RNLS: variants seen among roughly 807,000 people sequenced by gnomAD.
The protein encoded by RNLS is renalase.
A neutral mutation model predicts 39.8 loss-of-function variants in RNLS; 39 were observed. That is an observed-to-expected ratio of 0.98 (90% CI 0.76 to 1.28). The LOEUF (loss-of-function observed/expected upper bound fraction) is 1.28, where lower values mean the gene tolerates loss of function less well. Among genes scored for constraint, RNLS ranks in the 50% most tolerant of loss-of-function variants. The probability of loss-of-function intolerance (pLI) is 0.00; values close to 1 mark genes in which losing one functional copy is unlikely to be tolerated. For missense variants in RNLS, 410 were observed against 413.3 expected (o/e 0.99, Z 0.07); for synonymous variants, 147 against 150.7 (o/e 0.98, Z 0.18).
intron 4 of RNLS, among the ~76,000 whole-genome samples, chr10:88,449,941 T>C (rs748699107): frequency 2.0e-5 from 3 of 152,164 alleles, no homozygotes; most frequent in Non-Finnish European, 4.4e-5. Context: ...AATTCTTGGC[T>C]TTGAGTTCCA....
At chr10:88,447,423 A>T (rs1018112894) in intron 4 of RNLS, among the ~76,000 whole-genome samples, 6 of 152,214 alleles carry the variant, frequency 3.9e-5, no homozygotes, top group African/African-American at 1.4e-4. Flanking sequence ...CTTCAAAGAG[A>T]ATAAATACCT....
chr10:88,406,920 CTA>C (rs1853310799), intron 4 of RNLS, among the ~76,000 whole-genome samples: 1 of 152,028 alleles, frequency 6.6e-6, no homozygotes, highest in Non-Finnish European at 1.5e-5. Context: ...AGATTGGAGA[CTA>C]TTATTCTAAG....
At chr10:88,378,616 G>A (rs553448402) in intron 4 of RNLS, among the ~76,000 whole-genome samples, 1 of 152,242 alleles carries the variant, frequency 6.6e-6, no homozygotes, top group African/African-American at 2.4e-5. Context: ...CAGAAGTAAG[G>A]AACGCTGCAC....
At chr10:88,319,375 G>GAGT (rs1846009254) in intron 5 of RNLS, among the ~76,000 whole-genome samples, 1 of 152,100 alleles carries the variant, frequency 6.6e-6, no homozygotes, top group Admixed American at 6.6e-5. Flanking sequence ...AAAAAACCTA[G>GAGT]AGTGGATTGA....
At chr10:88,447,584 C>T (rs1407836859) in intron 4 of RNLS, among the ~76,000 whole-genome samples, 1 of 152,132 alleles carries the variant, frequency 6.6e-6, no homozygotes, top group African/African-American at 2.4e-5. Flanking sequence ...CCATACTGCC[C>T]AAGGTAATTT....
At chr10:88,561,890 C>G (rs2134390023) in intron 4 of RNLS, among the ~76,000 whole-genome samples, 1 of 152,166 alleles carries the variant, frequency 6.6e-6, no homozygotes, top group Non-Finnish European at 1.5e-5. Flanking sequence ...GGACATTTCA[C>G]AGAAGAAAAA....
the RNLS span, among the ~76,000 whole-genome samples, chr10:88,174,056 A>C: frequency 6.6e-6 from 1 of 151,732 alleles, no homozygotes; most frequent in Non-Finnish European, 1.5e-5. Context: ...CAGCTAGTTC[A>C]TTATTGGTAT....
the RNLS span, among the ~76,000 whole-genome samples, chr10:88,199,757 C>T: frequency 2.6e-5 from 4 of 152,156 alleles, no homozygotes; most frequent in Non-Finnish European, 5.9e-5. Flanking sequence ...ATCTAGATGA[C>T]CTAAACAAGA....
At chr10:88,538,686 T>C (rs1847898881) in intron 4 of RNLS, among the ~76,000 whole-genome samples, 1 of 152,092 alleles carries the variant, frequency 6.6e-6, no homozygotes, top group East Asian at 1.9e-4. Context: ...AAGAAAACAA[T>C]AGAAAAATTA....
chr10:88,182,194 A>G, the RNLS span, among the ~76,000 whole-genome samples: 2,729 of 152,208 alleles, frequency 0.018, 91 homozygotes, highest in African/African-American at 0.062. Flanking sequence ...AAATACATCA[A>G]CCACATCAGA....
the RNLS span, among the ~76,000 whole-genome samples, chr10:88,191,998 A>G: frequency 6.6e-6 from 1 of 151,804 alleles, no homozygotes; most frequent in Admixed American, 6.6e-5. Flanking sequence ...CCAACTCATT[A>G]TGATGAAAGA....
At chr10:88,327,759 C>CGTAT (rs1185546239) in intron 5 of RNLS, among the ~76,000 whole-genome samples, 1 of 151,904 alleles carries the variant, frequency 6.6e-6, no homozygotes, top group Non-Finnish European at 1.5e-5. Flanking sequence ...TATGTATGTA[C>CGTAT]GTATGTATGT....
chr10:88,528,739 G>A (rs1847251892), intron 4 of RNLS, among the ~76,000 whole-genome samples: 1 of 151,838 alleles, frequency 6.6e-6, no homozygotes, highest in Non-Finnish European at 1.5e-5. Context: ...TGTAATCCCA[G>A]CTACTCAGGA....
chr10:88,528,310 T>C (rs1342852533), intron 4 of RNLS, among the ~76,000 whole-genome samples: 2 of 152,202 alleles, frequency 1.3e-5, no homozygotes, highest in African/African-American at 2.4e-5. Context: ...ATACTTAGAA[T>C]TCTTGCTTAG....
intron 5 of RNLS, among the ~76,000 whole-genome samples, chr10:88,338,979 T>C (rs1166135394): frequency 2.6e-5 from 4 of 152,114 alleles, no homozygotes; most frequent in Non-Finnish European, 5.9e-5. Context: ...GCCAGGATGG[T>C]CTGGATCTCC....
intron 4 of RNLS, among the ~76,000 whole-genome samples, chr10:88,483,513 A>T (rs901000759): frequency 6.6e-6 from 1 of 152,294 alleles, no homozygotes; most frequent in African/African-American, 2.4e-5. Flanking sequence ...GATGGCTACT[A>T]ATTTTGTAAT....
In RNLS at chr10:88,530,559, T is replaced by G. The variant is rs190037132; in HGVS notation, c.526+42344A>C. Among the ~76,000 whole-genome samples, 230 of 152,288 alleles carry G rather than the reference T, an allele frequency of 1.5e-3. 1 individual carries two copies. Among genetic ancestry groups the G allele is most frequent in the African/African-American group, 5.1e-3 (213 of 41,574 alleles). On this transcript the variant is annotated intron_variant, in intron 4 of 6. Transcript: ENST00000331772. The stretch of plus-strand genomic sequence containing the variant: ...TGTATATGCACCTCTTTGTTGTTGT[T>G]TAGCATTTTAGTTTAATGTTTAACA...
chr10:88,225,860 A>T, the RNLS span, among the ~76,000 whole-genome samples: 1 of 152,222 alleles, frequency 6.6e-6, no homozygotes, highest in African/African-American at 2.4e-5. Context: ...AGACTAAAGG[A>T]TGGCTCTTTA....
intron 3 of RNLS, among the ~76,000 whole-genome samples, chr10:88,573,976 A>C (rs994610153): frequency 1.3e-5 from 2 of 152,154 alleles, no homozygotes; most frequent in Admixed American, 1.3e-4. Context: ...CCCCATCTCT[A>C]CTAAAAATAC....
Sources: allele counts gnomAD v4.1 joint callset (sites outside exome capture counted in the v4.1 genomes callset), GRCh38; gene constraint gnomAD v4.1.1; transcripts MANE v1.5; gene names NCBI Gene and HGNC (gene_info 2026-07-23, HGNC 2026-07-21).